GRM6: variants seen among roughly 807,000 people sequenced by gnomAD.
GRM6 encodes metabotropic glutamate receptor 6.
A neutral mutation model predicts 78.4 loss-of-function variants in GRM6; 73 were observed. That is an observed-to-expected ratio of 0.93 (90% CI 0.77 to 1.13). The LOEUF (loss-of-function observed/expected upper bound fraction) is 1.13, where lower values mean the gene tolerates loss of function less well. Ranked by LOEUF, GRM6 falls within the 50% of genes most tolerant of loss-of-function variation. The pLI is 0.00. For missense variants in GRM6, 1,251 were observed against 1,256.4 expected (o/e 1.00, Z 0.07); for synonymous variants, 580 against 555.0 (o/e 1.05, Z -0.63).
Position 178,989,129 on chromosome 5 carries a change from T to G in GRM6, c.1160A>C (p.Glu387Ala), listed in dbSNP as rs779706904. ...GTAGGTGGAGTCCCGGCCGATGCGT[T>G]CCTCGCCTGTCCTAGGGATGCCCAG... ...DDSTRKCTGE[E>A]RIGRDSTYEQ... The change falls in exon 7 of 11, where the codon GAA (glutamate) becomes GCA (alanine). Residue 387 changes from glutamate to alanine, a missense_variant. Coordinates refer to ENST00000517717, the MANE Select transcript of GRM6 (RefSeq NM_000843.4). The G allele has an allele frequency of 9.3e-6, 15 of 1,613,772 alleles. No individual in the cohort carries two copies. The East Asian group carries it at 3.3e-4, about 36-fold the overall frequency.
intron 9 of GRM6, chr5:178,985,582 A>G (rs945797751): frequency 5.2e-5 from 18 of 345,820 alleles, no homozygotes; most frequent in Non-Finnish European, 9.1e-5. Flanking sequence ...GGGCGCCTGT[A>G]GTCCCAGCTA....
rs769367837 is a variant in GRM6 at position 178,992,136 on chromosome 5, G to C, written c.505-53C>G. 28 of 1,314,932 alleles carry C rather than the reference G, an allele frequency of 2.1e-5. No homozygotes were observed. Among genetic ancestry groups the C allele is most frequent in the Non-Finnish European group, 2.7e-5 (25 of 916,228 alleles). The allele number at this position is 1,314,932 out of a possible 1,614,324, so 81.5% of individuals were successfully genotyped here. A position where few individuals can be genotyped will look rare whatever the true frequency, so the allele number is the denominator to read the frequency against. On this transcript the variant is annotated intron_variant, in intron 2 of 10. Transcript: ENST00000517717. The surrounding 1 kb of genome is among the most constrained non-coding windows in gnomAD (Gnocchi z 4.9). ...GTGGATGGAGGTCAGTAACTCAAGA[G>C]AGGGAGGGTAAGGGGGGCCCAGGAC...
rs921696234 is a variant in GRM6, at chr5:178,991,106, G to C, written c.857+318C>G. On this transcript the variant is annotated intron_variant, in intron 4 of 10. Transcript: ENST00000517717. This position sits in a 1 kb window ranked among gnomAD's most constrained non-coding sequence, Gnocchi z 5.0. Reference sequence around the variant, plus strand: ...TCTCGGGCTGGGGTCCGCAGCCTCTGTATGGACCCTGGGCTCCTTCCCTCA... The same window carrying C: ...TCTCGGGCTGGGGTCCGCAGCCTCTCTATGGACCCTGGGCTCCTTCCCTCA... Among the ~76,000 whole-genome samples, 1 of 152,100 alleles carries C rather than the reference G, an allele frequency of 6.6e-6. No individual in the cohort carries two copies. The highest frequency in any genetic ancestry group is 2.1e-4 in the South Asian group (1 of 4,820).
At chr5:178,986,778 G>A in intron 8 of GRM6, 25 bp from the exon 9 acceptor site, 3 of 1,610,680 alleles carry the variant, frequency 1.9e-6, no homozygotes, top group Non-Finnish European at 2.5e-6. Flanking sequence ...ACACAGGCTG[G>A]GGCGTCTGCC....
At chr5:178,989,431 G>C (rs1296955766) in intron 5 of GRM6, 26 bp from the exon 6 acceptor site, 1 of 1,613,676 alleles carries the variant, frequency 6.2e-7, no homozygotes, top group Admixed American at 1.7e-5. Flanking sequence ...AAGGGGGAGG[G>C]TGGCGCTGAC....
rs17078872 is a variant in GRM6 at position 178,982,864 on chromosome 5, T to G, written c.2436+46A>C. 55,175 of 1,373,790 alleles carry G rather than the reference T, an allele frequency of 0.04. 1,771 individuals are homozygous for G. The highest frequency in any genetic ancestry group is 0.16 in the East Asian group (6,904 of 43,794). The allele number at this position is 1,373,790 out of a possible 1,614,324, so 85.1% of individuals were successfully genotyped here. ...AATCTCATGAATGAATCGACCAGCC[T>G]GACAGGCAGGAAACAGGCAGCGAGA... is the stretch of plus-strand genomic sequence containing the variant. On this transcript the variant is annotated intron_variant, in intron 10 of 10. Transcript: ENST00000517717.
At chr5:178,983,476 A>G (rs1760446996) in intron 9 of GRM6, 1 of 675,086 alleles carries the variant, frequency 1.5e-6, no homozygotes, top group African/African-American at 1.8e-5. Context: ...CCGCCCGTAT[A>G]TGTTGGCAAC....
rs763674392 is a variant in GRM6, at chr5:178,983,024, G to C, written c.2322C>G (p.Gly774=). 6.2e-7 allele frequency: 1 copy of C among 1,614,054 alleles called. No individual in the cohort carries two copies. The highest frequency in any genetic ancestry group is 8.5e-7 in the Non-Finnish European group (1 of 1,179,892). Residue 774 remains glycine (G), a synonymous_variant, in exon 10 of 11, where the codon GGC becomes GGG. Coordinates refer to ENST00000517717, the MANE Select transcript of GRM6 (RefSeq NM_000843.4). ...TGGCCTCGTTGAAGGTCTCGGGCACGCCACGGGCCTTGATGGCGTACACTG... is the reference window on the plus strand; with the variant it reads ...TGGCCTCGTTGAAGGTCTCGGGCACCCCACGGGCCTTGATGGCGTACACTG... ...TCTVYAIKAR[G]VPETFNEAKP... is the part of the protein sequence containing the mutation.
rs1340110862 is a variant in GRM6 at position 178,994,514 on chromosome 5, C to T, written c.431G>A (p.Arg144His). 3.5e-6 allele frequency: 5 copies of T among 1,416,530 alleles called. No individual in the cohort carries two copies. The highest frequency in any genetic ancestry group is 3.1e-5 in the East Asian group (1 of 32,682). 87.7% of individuals were successfully genotyped at this position (1,416,530 alleles called of 1,614,324 possible). ...VPPLRPAPPE[R>H]VVAVVGASAS... is the part of the protein sequence containing the mutation. The stretch of plus-strand genomic sequence containing the variant: ...CGAGGCGCCCACGACGGCCACGACG[C>T]GCTCGGGGGGCGCGGGGCGCAGCGG... The change falls in exon 2 of 11, where the codon CGC becomes CAC. Residue 144 changes from arginine (R) to histidine (H), a missense_variant. Coordinates refer to ENST00000517717, the MANE Select transcript of GRM6 (RefSeq NM_000843.4).
rs1374441716 is a variant in GRM6 at position 178,986,663 on chromosome 5, C to T, written c.1591G>A (p.Val531Met). 16 of 1,602,864 alleles carry T rather than the reference C, an allele frequency of 1.0e-5. No individual in the cohort carries two copies. Among genetic ancestry groups the T allele is most frequent in the Non-Finnish European group, 1.4e-5 (16 of 1,179,904 alleles). Residue 531 changes from valine (V) to methionine (M), a missense_variant, in exon 9 of 11, where the codon GTG becomes ATG. By Grantham distance (21) the Val-to-Met change is conservative. Coordinates refer to ENST00000517717, the MANE Select transcript of GRM6 (RefSeq NM_000843.4). ...TGCCAACAGCAGGGGACGCCCTTCA[C>T]CATCTTCTTCCGCTCCCCCGGCCCG... ...PCGPGERKKMVKGVPCCWHCE... is the reference protein window; with the variant it reads ...PCGPGERKKMMKGVPCCWHCE...
chr5:178,987,652 C>T (rs547344707), intron 7 of GRM6, among the ~76,000 whole-genome samples: 5 of 151,968 alleles, frequency 3.3e-5, no homozygotes, highest in African/African-American at 7.2e-5. Context: ...CAGGTGCTGG[C>T]GGGAGGAGGG....
At position 178,986,272 on chromosome 5, in the gene GRM6, G is replaced by A. The variant is rs143755306; in HGVS notation, c.1982C>T (p.Thr661Met). 159 of 1,613,946 alleles carry A rather than the reference G, an allele frequency of 9.9e-5. No homozygotes were observed. Among genetic ancestry groups the A allele is most frequent in the South Asian group, 2.9e-4 (26 of 91,074 alleles). The change falls in exon 9 of 11, where the codon ACG becomes ATG. Residue 661 changes from threonine to methionine, a missense_variant. Transcript: ENST00000517717. The stretch of plus-strand genomic sequence containing the variant: ...GAGCAGGGCAGAGTAGCTGAGGGTC[G>A]TGCCCAGGCCCAGGAAGAGCCTGCG... ...AARRLFLGLG[T>M]TLSYSALLTK... is the part of the protein sequence containing the mutation.
At chr5:178,982,504 G>A (rs114208848) in intron 10 of GRM6, among the ~76,000 whole-genome samples, 5,279 of 140,874 alleles carry the variant, frequency 0.037, 172 homozygotes, top group East Asian at 0.16. Context: ...CTTGACCCAG[G>A]AGGCGGAGCT....
At chr5:178,984,199 T>C (rs1206326484) in intron 9 of GRM6, among the ~76,000 whole-genome samples, 4 of 150,368 alleles carry the variant, frequency 2.7e-5, no homozygotes, top group East Asian at 3.9e-4. Flanking sequence ...AAGTTGCTCA[T>C]GAGAAACAAA....
chr5:178,991,349 G>C lies in GRM6; in HGVS notation c.857+75C>G. On this transcript the variant is annotated intron_variant, in intron 4 of 10. Coordinates refer to ENST00000517717, the MANE Select transcript of GRM6 (RefSeq NM_000843.4). The surrounding 1 kb of genome is among the most constrained non-coding windows in gnomAD (Gnocchi z 5.0). The stretch of plus-strand genomic sequence containing the variant: ...AAGGGAGGCAGGGAGAGTGTGTAAG[G>C]TGGCGATGTGCAAGAGGAGGGGTGG... 7.4e-7 allele frequency: 1 copy of C among 1,351,510 alleles called. No homozygotes were observed. The highest frequency in any genetic ancestry group is 1.1e-6 in the Non-Finnish European group (1 of 943,642). 83.7% of individuals were successfully genotyped at this position (1,351,510 alleles called of 1,614,324 possible).
chr5:178,993,338 A>C (rs1267856772), intron 2 of GRM6, among the ~76,000 whole-genome samples: 1 of 152,152 alleles, frequency 6.6e-6, no homozygotes, highest in Non-Finnish European at 1.5e-5. Context: ...ACAGAGACAG[A>C]AACTAGAGCT....
Position 178,988,870 on chromosome 5 carries a change from C to T in GRM6, c.1354+65G>A. 1 of 1,359,208 alleles carries T rather than the reference C, an allele frequency of 7.4e-7. No homozygotes were observed. Among genetic ancestry groups the T allele is most frequent in the Non-Finnish European group, 1.0e-6 (1 of 962,120 alleles). The allele number at this position is 1,359,208 out of a possible 1,614,324, so 84.2% of individuals were successfully genotyped here. ...CCTTCCACCCTGAGGTTGTCCCAGG[C>T]CTCACAGCAAAATCCAGCCCCCCAG... is the stretch of plus-strand genomic sequence containing the variant. On this transcript the variant is annotated intron_variant, in intron 7 of 10. Transcript: ENST00000517717. This position sits in a 1 kb window ranked among gnomAD's most constrained non-coding sequence, Gnocchi z 6.0.
intron 10 of GRM6, 74 bp downstream of exon 10, chr5:178,982,836 T>C: frequency 9.5e-7 from 1 of 1,051,634 alleles, no homozygotes; most frequent in East Asian, 2.4e-5. Flanking sequence ...CGAACAAGCA[T>C]TTAATCTCAT....
intron 9 of GRM6, chr5:178,985,502 G>C (rs953363744): frequency 7.0e-5 from 24 of 340,944 alleles, no homozygotes; most frequent in South Asian, 1.6e-4. Flanking sequence ...AGGAGATCGA[G>C]ACCATCCTGG....
Sources: allele counts gnomAD v4.1 joint callset (sites outside exome capture counted in the v4.1 genomes callset), GRCh38; gene constraint gnomAD v4.1.1; non-coding constraint Gnocchi (gnomAD v3.1); transcripts MANE v1.5; gene names NCBI Gene and HGNC (gene_info 2026-07-23, HGNC 2026-07-21).